Variants in DNAJC9 observed in about 807,000 individuals in gnomAD.
The protein encoded by DNAJC9 is dnaJ homolog subfamily C member 9.
DNAJC9 carries 18 observed loss-of-function variants against 32.4 expected under a neutral mutation model. The observed-to-expected ratio is 0.56, with a 90% CI of 0.38 to 0.82. DNAJC9 has a LOEUF of 0.82. DNAJC9 is among the 40% of genes least tolerant of loss of function. The pLI is 0.00. For missense variants in DNAJC9, 310 were observed against 321.8 expected, an observed-to-expected ratio of 0.96 and a Z score of 0.28; for synonymous variants, 113 against 122.1, an observed-to-expected ratio of 0.93 and a Z score of 0.49.
At chr10:73,244,196 T>C (rs372751251) in intron 3 of DNAJC9, 7 of 420,936 alleles carry the variant, frequency 1.7e-5, no homozygotes, top group African/African-American at 1.0e-4. Context: ...AATCACATGA[T>C]GATAAAAAGG....
intron 3 of DNAJC9, 36 bp from the exon 4 acceptor site, chr10:73,243,965 A>G (rs2043980810): frequency 6.4e-7 from 1 of 1,557,802 alleles, no homozygotes; most frequent in African/African-American, 1.4e-5. Context: ...CAGGGCCACC[A>G]GGAAATGCTT....
At chr10:73,239,324 T>G (rs2043892073), downstream of DNAJC9, 1 of 1,551,614 alleles carries the variant, frequency 6.4e-7, no homozygotes, top group Non-Finnish European at 8.7e-7. Flanking sequence ...GGATACACAG[T>G]ATCGTCGCTC....
At chr10:73,239,738 A>G (rs559685290), downstream of DNAJC9, among the ~76,000 whole-genome samples, 13 of 151,830 alleles carry the variant, frequency 8.6e-5, no homozygotes, top group African/African-American at 2.9e-4. Flanking sequence ...CATAGCATGG[A>G]TTTTATTATG....
chr10:73,239,887 T>C (rs1026039817), downstream of DNAJC9, among the ~76,000 whole-genome samples: 1 of 152,258 alleles, frequency 6.6e-6, no homozygotes, highest in African/African-American at 2.4e-5. Flanking sequence ...CTTTAAATTA[T>C]ACTCTGTAGA....
Position 73,247,255 on chromosome 10 carries a change from T to G in DNAJC9, c.-66A>C. On this transcript the variant is annotated 5_prime_UTR_variant, in exon 1 of 5. Coordinates refer to ENST00000372950, the MANE Select transcript of DNAJC9 (RefSeq NM_015190.5). The stretch of plus-strand genomic sequence containing the variant: ...AGCTGCGCCGGGTACAACCCAGGAC[T>G]GCTTCTTTTTCGCGCCCAAAAAGCC... 2 of 1,539,864 alleles carry G rather than the reference T, an allele frequency of 1.3e-6. No individual in the cohort carries two copies. The highest frequency in any genetic ancestry group is 8.8e-7 in the Non-Finnish European group (1 of 1,140,468).
At chr10:73,235,153 A>T (rs759716392), downstream of DNAJC9, 4 of 1,548,604 alleles carry the variant, frequency 2.6e-6, no homozygotes, top group Non-Finnish European at 3.5e-6. Context: ...CACATTACAG[A>T]TAGTTTTCAC....
chr10:73,233,118 C>T, intron 2 of DNAJC9: 1 of 1,551,788 alleles, frequency 6.4e-7, no homozygotes, highest in Non-Finnish European at 8.7e-7. Flanking sequence ...CATTCATGTG[C>T]TGAAACACCA....
At chr10:73,240,827 GCTTTCATAC>G (rs1006749522), downstream of DNAJC9, 1 of 648,512 alleles carries the variant, frequency 1.5e-6, no homozygotes, top group Non-Finnish European at 2.8e-6. Context: ...CTAGTTTACT[GCTTTCATAC>G]CTTAAGAAAG....
At chr10:73,237,448 ACT>A (rs1466939360), downstream of DNAJC9, among the ~76,000 whole-genome samples, 1 of 150,852 alleles carries the variant, frequency 6.6e-6, no homozygotes, top group Non-Finnish European at 1.5e-5. Context: ...ACGGAGTCTT[ACT>A]CTGTCGCCCA....
downstream of DNAJC9, chr10:73,239,390 G>C: frequency 6.4e-7 from 1 of 1,550,890 alleles, no homozygotes; most frequent in East Asian, 2.4e-5. Flanking sequence ...TGCAGGTAAA[G>C]GTGGGGCCAT....
chr10:73,237,006 C>T (rs2043837900), downstream of DNAJC9, among the ~76,000 whole-genome samples: 1 of 151,984 alleles, frequency 6.6e-6, no homozygotes, highest in Non-Finnish European at 1.5e-5. Flanking sequence ...GAGCCACATG[C>T]CCAGCCTGCC....
chr10:73,246,156 T>C lies in DNAJC9; in HGVS notation c.342A>G (p.Gln114=), dbSNP rs1383958539. The C allele has an allele frequency of 4.3e-6, 7 of 1,612,636 alleles. No individual in the cohort carries two copies. The highest frequency in any genetic ancestry group is 2.7e-5 in the African/African-American group (2 of 74,862). ...AACCTTTGTATGTCTTTTCAAAAGC[T>C]TGAATGTCCTCTAAAGATATCTGAT... ...LFKKISLEDI[Q]AFEKTYKGSE... is the part of the protein sequence containing the mutation. The change falls in exon 3 of 5, where the codon CAA becomes CAG. Residue 114 remains glutamine, a synonymous_variant. Coordinates refer to ENST00000372950, the MANE Select transcript of DNAJC9 (RefSeq NM_015190.5).
At chr10:73,235,556 A>G (rs2043802714), downstream of DNAJC9, 4 of 850,910 alleles carry the variant, frequency 4.7e-6, no homozygotes, top group African/African-American at 3.5e-5. Flanking sequence ...AACACTTAAG[A>G]TATGTCTGAC....
chr10:73,246,288 T>C, intron 2 of DNAJC9, 112 bp from the exon 3 acceptor site: 1 of 1,176,150 alleles, frequency 8.5e-7, no homozygotes, highest in Non-Finnish European at 1.2e-6. Flanking sequence ...GTTGCTTGAG[T>C]TGAAATTATT....
At chr10:73,232,403 C>T (rs1288593256) in intron 2 of DNAJC9, among the ~76,000 whole-genome samples, 1 of 152,178 alleles carries the variant, frequency 6.6e-6, no homozygotes, top group Non-Finnish European at 1.5e-5. Context: ...TTGCCCACTC[C>T]CAGCTTTCCA....
chr10:73,235,343 G>T, downstream of DNAJC9: 1 of 1,550,502 alleles, frequency 6.4e-7, no homozygotes, highest in Non-Finnish European at 8.7e-7. Context: ...TTCCTAGAAT[G>T]GTCTTGATAG....
At position 73,243,421 on chromosome 10, in the gene DNAJC9, A is replaced by G. The variant is rs1451045434; in HGVS notation, c.762T>C (p.Ala254=). The G allele has an allele frequency of 3.1e-6, 5 of 1,613,932 alleles. No homozygotes were observed. In the South Asian group the frequency reaches 5.5e-5, roughly 18 times the overall value. ...TCCATTATTTCTTTTCTTTCTTGAG[A>G]GCAGATTTTTTCCCTCCTCCTTTGG... ...KSSKGGGKKS[A]LKKEKK Residue 254 remains alanine, a synonymous_variant, in exon 5 of 5, where the codon GCT becomes GCC. Coordinates refer to ENST00000372950, the MANE Select transcript of DNAJC9 (RefSeq NM_015190.5).
downstream of DNAJC9, among the ~76,000 whole-genome samples, chr10:73,237,944 TCA>T (rs1245774392): frequency 6.6e-6 from 1 of 152,128 alleles, no homozygotes; most frequent in Non-Finnish European, 1.5e-5. Flanking sequence ...TGAAAATGTT[TCA>T]GTCTTCTCTT....
downstream of DNAJC9, chr10:73,234,981 C>T: frequency 1.9e-6 from 3 of 1,546,492 alleles, no homozygotes; most frequent in African/African-American, 2.7e-5. Context: ...ACTTACCATA[C>T]AACCTAATGG....
Sources: allele counts gnomAD v4.1 joint callset (sites outside exome capture counted in the v4.1 genomes callset), GRCh38; gene constraint gnomAD v4.1.1; transcripts MANE v1.5; gene names NCBI Gene and HGNC (gene_info 2026-07-23, HGNC 2026-07-21).